The following ATF2 variants were observed in gnomAD, a reference collection of about 807,000 sequenced individuals.
ATF2 encodes the protein cyclic AMP-dependent transcription factor ATF-2.
Under a neutral mutation model 60.6 loss-of-function variants are expected in ATF2, and 24 were observed. That is an observed-to-expected ratio of 0.40 (90% CI 0.29 to 0.56). The LOEUF (loss-of-function observed/expected upper bound fraction) is 0.56, where lower values mean the gene tolerates loss of function less well. ATF2 is among the 20% of genes least tolerant of loss of function. The probability of loss-of-function intolerance (pLI) is 0.54; values close to 1 mark genes in which losing one functional copy is unlikely to be tolerated. For synonymous variants in ATF2, 206 were observed against 215.4 expected, an observed-to-expected ratio of 0.96 and a Z score of 0.38; for missense variants, 433 against 607.7, an observed-to-expected ratio of 0.71 and a Z score of 3.02.
chr2:175,145,047 A>G (rs570449647), intron 2 of ATF2, among the ~76,000 whole-genome samples: 1 of 152,372 alleles, frequency 6.6e-6, no homozygotes, highest in Admixed American at 6.5e-5. Context: ...ATTAGATGAC[A>G]TTTGAAGATA....
intron 2 of ATF2, among the ~76,000 whole-genome samples, chr2:175,146,285 C>T (rs377547008): frequency 2.0e-5 from 3 of 152,086 alleles, no homozygotes; most frequent in Admixed American, 6.5e-5. Flanking sequence ...AAGACCAATG[C>T]GACATAACAA....
chr2:175,146,320 C>T (rs979176860), intron 2 of ATF2, among the ~76,000 whole-genome samples: 4 of 152,094 alleles, frequency 2.6e-5, no homozygotes, highest in East Asian at 3.9e-4. Flanking sequence ...AGATTCTAGA[C>T]GGAATCCTTT....
At chr2:175,120,922 T>C (rs1696915063) in intron 5 of ATF2, among the ~76,000 whole-genome samples, 1 of 151,784 alleles carries the variant, frequency 6.6e-6, no homozygotes, top group Admixed American at 6.6e-5. Flanking sequence ...TGTACGTTCA[T>C]AGTGTCAACA....
chr2:175,096,906 T>C (rs1211664912), intron 11 of ATF2, among the ~76,000 whole-genome samples: 1 of 152,180 alleles, frequency 6.6e-6, no homozygotes, highest in Non-Finnish European at 1.5e-5. Context: ...TTTGGTTACA[T>C]AGGAGAACAG....
At chr2:175,108,591 G>T (rs559608799) in intron 10 of ATF2, among the ~76,000 whole-genome samples, 14 of 150,884 alleles carry the variant, frequency 9.3e-5, no homozygotes, top group Admixed American at 1.3e-4. Flanking sequence ...CGACCCGTCC[G>T]GGAGGTGGGG....
chr2:175,154,419 C>T (rs1455194460), intron 1 of ATF2, among the ~76,000 whole-genome samples: 5 of 151,580 alleles, frequency 3.3e-5, no homozygotes, highest in Admixed American at 6.6e-5. Flanking sequence ...ATGATAACAA[C>T]GCCTTCTTGA....
chr2:175,098,589 T>G (rs1695098993), intron 10 of ATF2, among the ~76,000 whole-genome samples: 1 of 150,192 alleles, frequency 6.7e-6, no homozygotes, highest in African/African-American at 2.5e-5. Flanking sequence ...TGTTGCAGCC[T>G]ACCCAGTGCT....
At chr2:175,078,955 C>T (rs945789178) in intron 13 of ATF2, among the ~76,000 whole-genome samples, 6 of 152,116 alleles carry the variant, frequency 3.9e-5, no homozygotes, top group African/African-American at 1.4e-4. Context: ...TGATTATCTA[C>T]ATGACTAGAC....
chr2:175,167,781 C>G, intron 1 of ATF2: 1 of 455,034 alleles, frequency 2.2e-6, no homozygotes, highest in Non-Finnish European at 4.7e-6. Context: ...CTTAGGAAAG[C>G]GCGCGAGAGG....
At chr2:175,107,478 C>A (rs1188135046) in intron 10 of ATF2, among the ~76,000 whole-genome samples, 1 of 151,668 alleles carries the variant, frequency 6.6e-6, no homozygotes, top group East Asian at 1.9e-4. Context: ...GTGTATGAGA[C>A]AGACAATTGC....
intron 4 of ATF2, among the ~76,000 whole-genome samples, chr2:175,129,424 T>C (rs1026028125): frequency 1.3e-5 from 2 of 152,118 alleles, no homozygotes; most frequent in Non-Finnish European, 2.9e-5. Context: ...AAATGGTACA[T>C]TTTAAGTATA....
At chr2:175,133,855 G>A (rs1360174330) in intron 3 of ATF2, among the ~76,000 whole-genome samples, 1 of 152,060 alleles carries the variant, frequency 6.6e-6, no homozygotes, top group Non-Finnish European at 1.5e-5. Context: ...TCTACATAGT[G>A]CATTTTATTC....
chr2:175,125,760 A>G (rs896965661), intron 4 of ATF2, among the ~76,000 whole-genome samples: 1 of 152,140 alleles, frequency 6.6e-6, no homozygotes, highest in African/African-American at 2.4e-5. Context: ...CAAAATGCTG[A>G]TATGTGTAAT....
At chr2:175,084,990 G>C (rs1458068254) in intron 12 of ATF2, among the ~76,000 whole-genome samples, 2 of 151,996 alleles carry the variant, frequency 1.3e-5, no homozygotes, top group African/African-American at 4.8e-5. Flanking sequence ...ATATGAATCT[G>C]GTCAGAGGTC....
At chr2:175,106,605 G>C (rs1362995842) in intron 10 of ATF2, among the ~76,000 whole-genome samples, 1 of 151,742 alleles carries the variant, frequency 6.6e-6, no homozygotes, top group Non-Finnish European at 1.5e-5. Context: ...GGAAGCTGGG[G>C]TAGGCAGATC....
chr2:175,155,716 G>T (rs948218915), intron 1 of ATF2, among the ~76,000 whole-genome samples: 2 of 151,384 alleles, frequency 1.3e-5, no homozygotes, highest in Admixed American at 6.6e-5. Flanking sequence ...GAAGTCGAAA[G>T]AAAATAAAGT....
intron 10 of ATF2, among the ~76,000 whole-genome samples, chr2:175,101,416 C>T (rs1188191631): frequency 1.6e-4 from 24 of 151,954 alleles, no homozygotes; most frequent in Admixed American, 1.5e-3. Flanking sequence ...GACTAGTACC[C>T]AGTCTATAGT....
chr2:175,126,275 C>T (rs1216814106), intron 4 of ATF2, among the ~76,000 whole-genome samples: 1 of 152,178 alleles, frequency 6.6e-6, no homozygotes, highest in Non-Finnish European at 1.5e-5. Flanking sequence ...GCTACATTCT[C>T]CTCCTCTTTC....
intron 1 of ATF2, among the ~76,000 whole-genome samples, chr2:175,153,662 C>G (rs1399768082): frequency 1.3e-5 from 2 of 151,890 alleles, no homozygotes; most frequent in Non-Finnish European, 1.5e-5. Flanking sequence ...ACCCCCGTCT[C>G]TACTAAAAAT....
Sources: allele counts gnomAD v4.1 joint callset (sites outside exome capture counted in the v4.1 genomes callset), GRCh38; gene constraint gnomAD v4.1.1; transcripts MANE v1.5; gene names NCBI Gene and HGNC (gene_info 2026-07-23, HGNC 2026-07-21).